F13A1: variants seen among roughly 807,000 people sequenced by gnomAD.
The protein encoded by F13A1 is coagulation factor XIII A chain, also known as FSF, A subunit.
F13A1 carries 47 observed loss-of-function variants against 80.1 expected under a neutral mutation model. The observed-to-expected ratio is 0.59, with a 90% CI of 0.46 to 0.75. The LOEUF is 0.75. Among genes scored for constraint, F13A1 ranks in the 30% least tolerant of loss-of-function variants. F13A1 has a pLI of 0.00. For missense variants in F13A1, 817 were observed against 930.4 expected, an observed-to-expected ratio of 0.88 and a Z score of 1.59; for synonymous variants, 349 against 344.9, an observed-to-expected ratio of 1.01 and a Z score of -0.13.
intron 3 of F13A1, among the ~76,000 whole-genome samples, chr6:6,275,419 G>A (rs748352552): frequency 5.9e-5 from 9 of 151,980 alleles, no homozygotes; most frequent in Non-Finnish European, 1.3e-4. Flanking sequence ...GCCCAGGCTG[G>A]AGTGCAGGGG....
chr6:6,244,701 G>A (rs1757531293), intron 6 of F13A1, among the ~76,000 whole-genome samples: 1 of 152,234 alleles, frequency 6.6e-6, no homozygotes, highest in Non-Finnish European at 1.5e-5. Flanking sequence ...TGCTGCCAAT[G>A]TGGTTTGAGT....
At chr6:6,310,544 A>G (rs75946655) in intron 2 of F13A1, among the ~76,000 whole-genome samples, 2,555 of 152,280 alleles carry the variant, frequency 0.017, 81 homozygotes, top group African/African-American at 0.058. Flanking sequence ...AGAGAAGTAG[A>G]AGAGCATAGT....
intron 10 of F13A1, among the ~76,000 whole-genome samples, chr6:6,184,186 T>C (rs76576814): frequency 0.029 from 4,403 of 152,308 alleles, 189 homozygotes; most frequent in African/African-American, 0.098. Context: ...GAGGTATATA[T>C]TGTAACCGTA....
intron 8 of F13A1, among the ~76,000 whole-genome samples, chr6:6,208,984 A>T (rs960240085): frequency 1.3e-5 from 2 of 152,196 alleles, no homozygotes; most frequent in African/African-American, 4.8e-5. Flanking sequence ...AATAATTAAA[A>T]AGTTGGATTT....
rs780497033 is a variant in F13A1, at chr6:6,222,038, T to C, written c.1107A>G (p.Ser369=). The part of the protein sequence containing the change: ...GNVNSKLTKD[S]VWNYHCWNEA... ...CCATTGTCAATCAAACTCACCACAC[T>C]GAATCCTTGGTGAGTTTGGAATTCA... Residue 369 remains serine, a synonymous_variant, in exon 8 of 15, where the codon TCA becomes TCG. Transcript: ENST00000264870. The C allele has an allele frequency of 1.1e-5, 17 of 1,613,776 alleles. No individual in the cohort carries two copies. Among genetic ancestry groups the C allele is most frequent in the Admixed American group, 1.7e-5 (1 of 59,996 alleles).
In F13A1 at chr6:6,314,106, C is replaced by T. The variant is rs1280946928; in HGVS notation, c.130+4429G>A. On this transcript the variant is annotated intron_variant, in intron 2 of 14. Coordinates refer to ENST00000264870, the MANE Select transcript of F13A1 (RefSeq NM_000129.4). ...AAGCGATTCTCCTGCCTCAGCCTCCCGAGTAGCTGGGATTACAGGCGCCAA... is the reference window on the plus strand; with the variant it reads ...AAGCGATTCTCCTGCCTCAGCCTCCTGAGTAGCTGGGATTACAGGCGCCAA... 2.6e-5 allele frequency among the ~76,000 whole-genome samples: 4 copies of T among 151,680 alleles called. No individual in the cohort carries two copies. In the South Asian group the frequency reaches 6.2e-4, roughly 24 times the overall value.
chr6:6,306,615 G>T (rs1470319461), intron 2 of F13A1, among the ~76,000 whole-genome samples: 1 of 152,234 alleles, frequency 6.6e-6, no homozygotes, highest in Non-Finnish European at 1.5e-5. Flanking sequence ...TCTAGAGACT[G>T]GTTTCTGCAT....
intron 14 of F13A1, among the ~76,000 whole-genome samples, chr6:6,149,010 T>C (rs1302368399): frequency 1.3e-5 from 2 of 151,544 alleles, no homozygotes; most frequent in Non-Finnish European, 2.9e-5. Context: ...AAAAAATTAT[T>C]ATACCATAGA....
chr6:6,318,688 G>GAAAAA lies in F13A1; in HGVS notation c.-18-11_-18-7dup. On this transcript the variant is annotated splice_region_variant and splice_polypyrimidine_tract_variant and intron_variant, in intron 1 of 14. Coordinates refer to ENST00000264870, the MANE Select transcript of F13A1 (RefSeq NM_000129.4). Reference sequence around the variant, plus strand: ...ATTTTTGACTTTACAAGGTCCTTCAGAAAAAAAAAAAAAAGAAGACAACAG... The same window carrying GAAAAA: ...ATTTTTGACTTTACAAGGTCCTTCAGAAAAAAAAAAAAAAAAAAAGAAGACAACAG... 94 of 1,488,106 alleles carry GAAAAA rather than the reference G, an allele frequency of 6.3e-5. No homozygotes were observed. The East Asian group carries it at 1.1e-3, about 18-fold the overall frequency. 92.2% of individuals were successfully genotyped at this position (1,488,106 alleles called of 1,614,324 possible).
chr6:6,233,556 C>T (rs1229998452), intron 6 of F13A1, among the ~76,000 whole-genome samples: 1 of 152,062 alleles, frequency 6.6e-6, no homozygotes, highest in Non-Finnish European at 1.5e-5. Context: ...TGACACTATT[C>T]CACAAGATAG....
intron 3 of F13A1, among the ~76,000 whole-genome samples, chr6:6,295,432 C>A (rs1758308219): frequency 1.3e-5 from 2 of 148,198 alleles, no homozygotes; most frequent in South Asian, 4.2e-4. Flanking sequence ...TTAATGATTG[C>A]CATTCTAACT....
chr6:6,228,614 G>C (rs879865868), intron 6 of F13A1, among the ~76,000 whole-genome samples: 1 of 151,272 alleles, frequency 6.6e-6, no homozygotes, highest in East Asian at 1.9e-4. Context: ...CATGCCTGTA[G>C]TCCCCGCTAC....
At chr6:6,311,699 A>G (rs1180897942) in intron 2 of F13A1, among the ~76,000 whole-genome samples, 1 of 103,348 alleles carries the variant, frequency 9.7e-6, no homozygotes, top group African/African-American at 3.7e-5. Context: ...ATATTATATA[A>G]TGGATATAAA....
At chr6:6,207,693 CTTTCCCCA>C (rs1481313580) in intron 8 of F13A1, among the ~76,000 whole-genome samples, 1 of 152,194 alleles carries the variant, frequency 6.6e-6, no homozygotes, top group Admixed American at 6.5e-5. Context: ...TAATTAAAGA[CTTTCCCCA>C]ACACACACAC....
chr6:6,261,337 C>T (rs112694057), intron 4 of F13A1, among the ~76,000 whole-genome samples: 8,196 of 152,256 alleles, frequency 0.054, 299 homozygotes, highest in Middle Eastern at 0.12. Flanking sequence ...GCGGGGCTGC[C>T]TCGAACTCCT....
At chr6:6,238,715 C>CATATATATATATATATATATATATGTAT (rs4053228) in intron 6 of F13A1, among the ~76,000 whole-genome samples, 56 of 146,052 alleles carry the variant, frequency 3.8e-4, no homozygotes, top group African/African-American at 1.4e-3. Context: ...AAACATGCTG[C>CATATATATATATATATATATATATGTAT]ATATATATAT....
intron 11 of F13A1, among the ~76,000 whole-genome samples, chr6:6,177,432 C>A (rs933369094): frequency 6.6e-6 from 1 of 152,210 alleles, no homozygotes; most frequent in African/African-American, 2.4e-5. Flanking sequence ...TGCTGGAATG[C>A]AAGCTCCATG....
Position 6,305,448 on chromosome 6 carries a change from CTTG to C in F13A1, c.219_221del (p.Asn73del), listed in dbSNP as rs1758499763. 3 of 1,614,226 alleles carry C rather than the reference CTTG, an allele frequency of 1.9e-6. No homozygotes were observed. Among genetic ancestry groups the C allele is most frequent in the African/African-American group, 2.7e-5 (2 of 75,042 alleles). ...AAGACTGCCCTCTGCGGACAATCAG[CTTG>C]TTGTTTTCATACTTGTCAGTGTGGT... On this transcript the variant is annotated inframe_deletion, in exon 3 of 15. Transcript: ENST00000264870.
chr6:6,210,346 T>TATATATATATCACA (rs1761583628), intron 8 of F13A1, among the ~76,000 whole-genome samples: 2 of 137,446 alleles, frequency 1.5e-5, no homozygotes, highest in Non-Finnish European at 3.1e-5. Flanking sequence ...TATATATATA[T>TATATATATATCACA]ATTTCTTTTT....
Sources: gnomAD v4.1 joint callset for allele counts (sites outside exome capture counted in the v4.1 genomes callset) on GRCh38, gnomAD v4.1.1 for gene constraint, MANE v1.5 for transcripts, NCBI Gene and HGNC (gene_info 2026-07-23, HGNC 2026-07-21) for gene names.